Variants in ITLN1 observed in about 807,000 individuals in gnomAD.
ITLN1 encodes intelectin-1.
ITLN1 carries 29 observed loss-of-function variants against 36.2 expected under a neutral mutation model. The observed-to-expected ratio is 0.80, with a 90% CI of 0.60 to 1.09. The LOEUF (loss-of-function observed/expected upper bound fraction) is 1.09, where lower values mean the gene tolerates loss of function less well. Ranked by LOEUF, ITLN1 falls within the 50% of genes least tolerant of loss-of-function variation. ITLN1 has a pLI of 0.00. For missense variants in ITLN1, 358 were observed against 405.2 expected, an observed-to-expected ratio of 0.88 and a Z score of 1.00; for synonymous variants, 143 against 146.5, an observed-to-expected ratio of 0.98 and a Z score of 0.17.
intron 6 of ITLN1, among the ~76,000 whole-genome samples, chr1:160,879,948 C>T (rs184007524): frequency 6.6e-6 from 1 of 152,138 alleles, no homozygotes; most frequent in East Asian, 1.9e-4. Flanking sequence ...TGCACATGGA[C>T]CTGGCCTGGT....
At position 160,884,818 on chromosome 1, in the gene ITLN1, A is replaced by G. The variant is rs1187342707; in HGVS notation, c.58+2T>C. ...ACTGCTGTCCCTAGCAGCGTGACTC[A>G]CCTGTACTCCATCCTCTGGTGGTCG... On this transcript the variant is annotated splice_donor_variant, in intron 2 of 7. Transcript: ENST00000326245. LOFTEE classifies it high-confidence loss of function. 3 of 1,607,846 alleles carry G rather than the reference A, an allele frequency of 1.9e-6. No homozygotes were observed. Among genetic ancestry groups the G allele is most frequent in the Admixed American group, 3.3e-5 (2 of 59,926 alleles).
chr1:160,884,830 T>C lies in ITLN1; in HGVS notation c.48A>G (p.Gly16=), dbSNP rs35779394. 43,406 of 1,611,760 alleles carry C rather than the reference T, an allele frequency of 0.027. 2,888 individuals carry two copies. Among genetic ancestry groups the C allele is most frequent in the African/African-American group, 0.21 (15,911 of 74,792 alleles). The change falls in exon 2 of 8, where the codon GGA becomes GGG. Residue 16 remains glycine, a synonymous_variant. Coordinates refer to ENST00000326245, the MANE Select transcript of ITLN1 (RefSeq NM_017625.3). ...FLLFLIATTR[G]WSTDEANTYF... is the part of the protein sequence containing the mutation. ...AGCAGCGTGACTCACCTGTACTCCATCCTCTGGTGGTCGCTATGAGAAACA... is the reference window on the plus strand; with the variant it reads ...AGCAGCGTGACTCACCTGTACTCCACCCTCTGGTGGTCGCTATGAGAAACA...
chr1:160,878,258 T>C (rs1392355192), intron 7 of ITLN1, among the ~76,000 whole-genome samples: 2 of 152,150 alleles, frequency 1.3e-5, no homozygotes, highest in African/African-American at 2.4e-5. Flanking sequence ...TCTGCCATGA[T>C]TGGAAGTTTC....
Position 160,880,475 on chromosome 1 carries a change from T to C in ITLN1, c.685+113A>G, listed in dbSNP as rs561909327. ...GCCATGCAAATCAAGTGGGGCAATA[T>C]AGGGAACATTACAGGAGAGAACCAA... On this transcript the variant is annotated intron_variant, in intron 6 of 7. Transcript: ENST00000326245. 4.6e-6 allele frequency: 5 copies of C among 1,082,856 alleles called. No homozygotes were observed. The South Asian group carries it at 7.7e-5, about 17-fold the overall frequency. The allele number at this position is 1,082,856 out of a possible 1,614,324, so 67.1% of individuals were successfully genotyped here. A position where few individuals can be genotyped will look rare whatever the true frequency, so the allele number is the denominator to read the frequency against.
chr1:160,881,813 A>G, intron 4 of ITLN1, 144 bp downstream of exon 4: 3 of 952,620 alleles, frequency 3.1e-6, no homozygotes, highest in Non-Finnish European at 4.4e-6. Flanking sequence ...AGAAAAAAAA[A>G]AAAAAAAAAA....
Position 160,881,328 on chromosome 1 carries a change from C to T in ITLN1, c.406-16G>A. The T allele has an allele frequency of 6.4e-7, 1 of 1,566,430 alleles. No individual in the cohort carries two copies. The highest frequency in any genetic ancestry group is 8.7e-7 in the Non-Finnish European group (1 of 1,155,596). ...AGCCAGGGTTCTGGAAAGCAACAGA[C>T]ACTGAGCCTGACTGGGCCAGGAGGT... is the stretch of plus-strand genomic sequence containing the variant. On this transcript the variant is annotated splice_polypyrimidine_tract_variant and intron_variant, in intron 4 of 7. Coordinates refer to ENST00000326245, the MANE Select transcript of ITLN1 (RefSeq NM_017625.3).
chr1:160,881,533 G>T (rs762026000), intron 4 of ITLN1: 68 of 556,254 alleles, frequency 1.2e-4, no homozygotes, highest in Non-Finnish European at 2.0e-4. Context: ...AATTGGCTGG[G>T]TGTGGTGGCT....
At chr1:160,880,536 T>G in intron 6 of ITLN1, 52 bp downstream of exon 6, 4 of 1,592,446 alleles carry the variant, frequency 2.5e-6, no homozygotes, top group Non-Finnish European at 3.4e-6. Flanking sequence ...CCTAGCATAG[T>G]TGAATGTATT....
At chr1:160,884,075 C>G (rs1571143860) in intron 2 of ITLN1, among the ~76,000 whole-genome samples, 1 of 151,496 alleles carries the variant, frequency 6.6e-6, no homozygotes, top group African/African-American at 2.4e-5. Flanking sequence ...TTAGCTTATT[C>G]TGAGAGAATA....
At chr1:160,884,375 A>G (rs931994839) in intron 2 of ITLN1, among the ~76,000 whole-genome samples, 1 of 152,228 alleles carries the variant, frequency 6.6e-6, no homozygotes, top group Non-Finnish European at 1.5e-5. Flanking sequence ...AGATGAAGTA[A>G]GAAGATATTT....
At chr1:160,884,941 C>A in intron 1 of ITLN1, 58 bp from the exon 2 acceptor site, 1 of 1,116,024 alleles carries the variant, frequency 9.0e-7, no homozygotes, top group South Asian at 1.3e-5. Context: ...TACATCCCTG[C>A]CCCACCCCTG....
intron 7 of ITLN1, among the ~76,000 whole-genome samples, chr1:160,878,652 T>C (rs1481713040): frequency 6.6e-6 from 1 of 152,184 alleles, no homozygotes; most frequent in Non-Finnish European, 1.5e-5. Context: ...CGCAAAATAC[T>C]GGGATTACAG....
At chr1:160,876,907 T>C in intron 7 of ITLN1, 91 bp from the exon 8 acceptor site, 2 of 1,313,444 alleles carry the variant, frequency 1.5e-6, no homozygotes, top group Non-Finnish European at 2.1e-6. Context: ...ATTTCTTTGG[T>C]CCTCATCAGA....
In ITLN1 at chr1:160,883,413, T is replaced by C. The variant is rs1346967571; in HGVS notation, c.157+15A>G. 1.5e-5 allele frequency: 23 copies of C among 1,575,990 alleles called. No individual in the cohort carries two copies. The highest frequency in any genetic ancestry group is 1.9e-5 in the Non-Finnish European group (22 of 1,145,570). ...ATACCCTGACTGAGCTCTGTTTGAA[T>C]GTTTCATCACTCACCAAATGCACTA... On this transcript the variant is annotated intron_variant, in intron 3 of 7. Coordinates refer to ENST00000326245, the MANE Select transcript of ITLN1 (RefSeq NM_017625.3).
intron 6 of ITLN1, 146 bp from the exon 7 acceptor site, chr1:160,879,560 A>G: frequency 1.5e-6 from 1 of 652,128 alleles, no homozygotes; most frequent in Non-Finnish European, 2.7e-6. Flanking sequence ...CCTGTGGCCA[A>G]TGGCTGCTAC....
At chr1:160,879,972 T>G (rs955853309) in intron 6 of ITLN1, among the ~76,000 whole-genome samples, 9 of 152,156 alleles carry the variant, frequency 5.9e-5, no homozygotes, top group African/African-American at 2.2e-4. Flanking sequence ...AACAAGCTCC[T>G]GCAGGGCTGA....
At chr1:160,883,759 C>CTGCCTCCCG (rs1475114131) in intron 2 of ITLN1, among the ~76,000 whole-genome samples, 1 of 152,196 alleles carries the variant, frequency 6.6e-6, no homozygotes, top group African/African-American at 2.4e-5. Flanking sequence ...GGCTTAAAGT[C>CTGCCTCCCG]TGCCTCCCGC....
Position 160,881,134 on chromosome 1 carries a change from C to T in ITLN1, c.564+20G>A. 1 of 1,582,944 alleles carries T rather than the reference C, an allele frequency of 6.3e-7. No homozygotes were observed. The highest frequency in any genetic ancestry group is 8.6e-7 in the Non-Finnish European group (1 of 1,164,544). On this transcript the variant is annotated intron_variant, in intron 5 of 7. Coordinates refer to ENST00000326245, the MANE Select transcript of ITLN1 (RefSeq NM_017625.3). Reference sequence around the variant, plus strand: ...TCTGTACACCCATGAAAACCAGTCCCAGCCAGCAGCCTTCTGTACCTGGTA... The same window carrying T: ...TCTGTACACCCATGAAAACCAGTCCTAGCCAGCAGCCTTCTGTACCTGGTA...
At chr1:160,882,627 C>T (rs942309162) in intron 3 of ITLN1, among the ~76,000 whole-genome samples, 39 of 152,030 alleles carry the variant, frequency 2.6e-4, no homozygotes, top group African/African-American at 9.2e-4. Context: ...GGTGTGTGTG[C>T]ATATATGTAT....
Sources: gnomAD v4.1 joint callset for allele counts (sites outside exome capture counted in the v4.1 genomes callset) on GRCh38, gnomAD v4.1.1 for gene constraint, MANE v1.5 for transcripts, NCBI Gene and HGNC (gene_info 2026-07-23, HGNC 2026-07-21) for gene names.